Variants in RBFOX1 observed in about 807,000 individuals in gnomAD.
RBFOX1 encodes the protein RNA binding protein fox-1 homolog 1.
In RBFOX1, 8 loss-of-function variants were observed where a neutral mutation model predicts 57.7. The observed-to-expected ratio is 0.14, with a 90% CI of 0.08 to 0.25. RBFOX1 has a LOEUF of 0.25. RBFOX1 is among the 10% of genes least tolerant of loss of function. RBFOX1 has a pLI of 1.00. For synonymous variants in RBFOX1, 326 were observed against 222.4 expected (o/e 1.47, Z -4.15); for missense variants, 611 against 548.5 (o/e 1.11, Z -1.14).
At chr16:7,052,154 A>G in intron 4 of RBFOX1, 56 bp downstream of exon 4, 1 of 1,573,314 alleles carries the variant, frequency 6.4e-7, no homozygotes, top group Non-Finnish European at 8.6e-7. Flanking sequence ...GTGATAAGCA[A>G]AAATTTCCTT....
At chr16:6,000,791 A>G (rs2060585356) in intron 4 of RBFOX1, among the ~76,000 whole-genome samples, 1 of 117,880 alleles carries the variant, frequency 8.5e-6, no homozygotes, top group Admixed American at 1.0e-4. Flanking sequence ...ATAGGTGAAT[A>G]GGTAGATGGT....
intron 1 of RBFOX1, among the ~76,000 whole-genome samples, chr16:6,127,923 G>A (rs889210920): frequency 3.3e-5 from 5 of 152,106 alleles, no homozygotes; most frequent in Non-Finnish European, 5.9e-5. Flanking sequence ...TAAGGGAAGC[G>A]TGCATTGATT....
intron 2 of RBFOX1, among the ~76,000 whole-genome samples, chr16:6,602,401 C>T (rs922566929): frequency 2.6e-5 from 4 of 152,026 alleles, no homozygotes; most frequent in African/African-American, 4.8e-5. Flanking sequence ...AACAGCAAAC[C>T]GTTTGTCTGA....
intron 4 of RBFOX1, among the ~76,000 whole-genome samples, chr16:7,238,342 TAAATA>T (rs2093881168): frequency 1.4e-5 from 2 of 147,836 alleles, no homozygotes; most frequent in South Asian, 2.2e-4. Context: ...AAAAAATAAA[TAAATA>T]AAATAAAAAT....
chr16:6,885,729 A>G (rs117551550), intron 3 of RBFOX1, among the ~76,000 whole-genome samples: 1,833 of 152,050 alleles, frequency 0.012, 22 homozygotes, highest in Non-Finnish European at 0.02. Context: ...ACTGGGTTTC[A>G]CCAGGTTGGA....
At chr16:6,668,068 A>T (rs1424295290) in intron 3 of RBFOX1, among the ~76,000 whole-genome samples, 1 of 152,198 alleles carries the variant, frequency 6.6e-6, no homozygotes, top group Non-Finnish European at 1.5e-5. Context: ...CTTAAACTGG[A>T]TACCAAACCC....
chr16:7,576,239 T>G (rs139932328), intron 5 of RBFOX1, among the ~76,000 whole-genome samples: 1 of 152,134 alleles, frequency 6.6e-6, no homozygotes, highest in Non-Finnish European at 1.5e-5. Flanking sequence ...ACCCCATTAA[T>G]GTCCTTTGAT....
At chr16:5,881,747 G>A (rs773809497) in intron 4 of RBFOX1, among the ~76,000 whole-genome samples, 6 of 152,130 alleles carry the variant, frequency 3.9e-5, no homozygotes, top group Non-Finnish European at 7.3e-5. Flanking sequence ...CCAATGCTAG[G>A]TGGTATAGTA....
At chr16:7,164,747 G>A (rs2079079978) in intron 4 of RBFOX1, among the ~76,000 whole-genome samples, 1 of 152,020 alleles carries the variant, frequency 6.6e-6, no homozygotes, top group Non-Finnish European at 1.5e-5. Flanking sequence ...TTGTTAAGGT[G>A]GTATTATAAT....
At chr16:5,427,386 A>T (rs1415701332) in intron 1 of RBFOX1, among the ~76,000 whole-genome samples, 3 of 152,172 alleles carry the variant, frequency 2.0e-5, no homozygotes, top group African/African-American at 7.2e-5. Context: ...GGAGTTCAAG[A>T]CCAGCTTGGC....
rs553591760 is a variant in RBFOX1 at position 7,250,643 on chromosome 16, G to T, written c.27+198545G>T. ...AGCAGACACTGAGCAAGCATTTAGA[G>T]GAGTGCATTTTACCATTAGACTCTT... is the stretch of plus-strand genomic sequence containing the variant. On this transcript the variant is annotated intron_variant, in intron 4 of 15. Transcript: ENST00000550418. Among the ~76,000 whole-genome samples, 12 of 152,308 alleles carry T rather than the reference G, an allele frequency of 7.9e-5. No individual in the cohort carries two copies. In the East Asian group the frequency reaches 2.1e-3, roughly 27 times the overall value.
At chr16:6,903,213 C>G (rs753388505) in intron 3 of RBFOX1, among the ~76,000 whole-genome samples, 9 of 152,124 alleles carry the variant, frequency 5.9e-5, no homozygotes, top group Non-Finnish European at 1.3e-4. Flanking sequence ...GGCTAGAGAG[C>G]TCATGCAGCA....
intron 4 of RBFOX1, among the ~76,000 whole-genome samples, chr16:7,399,188 C>A (rs1233480977): frequency 6.6e-6 from 1 of 152,202 alleles, no homozygotes; most frequent in Non-Finnish European, 1.5e-5. Flanking sequence ...TAGCTCACGC[C>A]TGTTATCCCA....
At chr16:7,010,148 G>C (rs1039587760) in intron 3 of RBFOX1, among the ~76,000 whole-genome samples, 1 of 152,212 alleles carries the variant, frequency 6.6e-6, no homozygotes, top group Non-Finnish European at 1.5e-5. Flanking sequence ...ATCATTCCAG[G>C]AGGGGTGAGA....
chr16:6,715,774 C>A (rs1237083948), intron 3 of RBFOX1, among the ~76,000 whole-genome samples: 1 of 152,124 alleles, frequency 6.6e-6, no homozygotes, highest in Non-Finnish European at 1.5e-5. Context: ...TGGAAGAATC[C>A]ATTTTAAACC....
intron 4 of RBFOX1, among the ~76,000 whole-genome samples, chr16:7,410,907 C>T (rs1026842114): frequency 7.3e-5 from 11 of 151,104 alleles, no homozygotes; most frequent in Middle Eastern, 3.4e-3. Context: ...TAAGTTCCAT[C>T]GATCTACTCT....
intron 3 of RBFOX1, among the ~76,000 whole-genome samples, chr16:6,830,294 A>G (rs1489291267): frequency 6.6e-6 from 1 of 152,348 alleles, no homozygotes; most frequent in African/African-American, 2.4e-5. Context: ...CAACAGGGAA[A>G]GTCTAAAATA....
In RBFOX1 at chr16:6,232,690, C is replaced by T. The variant is rs549623971; in HGVS notation, c.-126-84305C>T. 1.6e-4 allele frequency among the ~76,000 whole-genome samples: 25 copies of T among 152,252 alleles called. No homozygotes were observed. In the South Asian group the frequency reaches 2.5e-3, roughly 15 times the overall value. ...CTTAGGTTCAAACCTATTTAAGGTC[C>T]GTGCTCTGCCTTGTGCCTGCCTGTC... On this transcript the variant is annotated intron_variant, in intron 1 of 15. Coordinates refer to ENST00000550418, the MANE Select transcript of RBFOX1 (RefSeq NM_018723.4).
chr16:5,654,174 C>A (rs1302065213), intron 3 of RBFOX1, among the ~76,000 whole-genome samples: 1 of 152,146 alleles, frequency 6.6e-6, no homozygotes, highest in East Asian at 1.9e-4. Flanking sequence ...AGCCTCAGAC[C>A]TCTTATCTGT....
Sources: allele counts gnomAD v4.1 joint callset (sites outside exome capture counted in the v4.1 genomes callset), GRCh38; gene constraint gnomAD v4.1.1; transcripts MANE v1.5; gene names NCBI Gene and HGNC (gene_info 2026-07-23, HGNC 2026-07-21).